DDX18: variants seen among roughly 807,000 people sequenced by gnomAD.
The protein encoded by DDX18 is ATP-dependent RNA helicase DDX18.
A neutral mutation model predicts 73.5 loss-of-function variants in DDX18; 23 were observed. The observed-to-expected ratio is 0.31, with a 90% CI of 0.23 to 0.44. The LOEUF (loss-of-function observed/expected upper bound fraction) is 0.44. Among genes scored for constraint, DDX18 ranks in the 20% least tolerant of loss-of-function variants. The pLI is 1.00. For synonymous variants in DDX18, 268 were observed against 282.7 expected, an observed-to-expected ratio of 0.95 and a Z score of 0.52; for missense variants, 753 against 792.9, an observed-to-expected ratio of 0.95 and a Z score of 0.60.
chr2:117,829,272 GTTTC>G lies in DDX18; in HGVS notation c.1693-11_1693-8del, dbSNP rs771944174. On this transcript the variant is annotated splice_polypyrimidine_tract_variant and intron_variant, in intron 12 of 13. Coordinates refer to ENST00000263239, the MANE Select transcript of DDX18 (RefSeq NM_006773.4). The stretch of plus-strand genomic sequence containing the variant: ...TTTGTTTTTGTTTATTAAAACCAGT[GTTTC>G]TTTCTATTTCAGCTTGAGAAATTGA... 3.8e-6 allele frequency: 6 copies of G among 1,573,654 alleles called. No individual in the cohort carries two copies. The South Asian group carries it at 4.8e-5, about 12-fold the overall frequency.
Position 117,829,269 on chromosome 2 carries a change from A to G in DDX18, c.1693-20A>G. On this transcript the variant is annotated intron_variant, in intron 12 of 13. Transcript: ENST00000263239. ...TTGTTTGTTTTTGTTTATTAAAACCAGTGTTTCTTTCTATTTCAGCTTGAG... is the reference window on the plus strand; with the variant it reads ...TTGTTTGTTTTTGTTTATTAAAACCGGTGTTTCTTTCTATTTCAGCTTGAG... The G allele has an allele frequency of 6.4e-7, 1 of 1,570,452 alleles. No individual in the cohort carries two copies. The highest frequency in any genetic ancestry group is 8.6e-7 in the Non-Finnish European group (1 of 1,162,598).
rs1337920515 is a variant in DDX18, at chr2:117,821,646, T to G, written c.651-4T>G. 6.2e-7 allele frequency: 1 copy of G among 1,613,704 alleles called. No individual in the cohort carries two copies. The highest frequency in any genetic ancestry group is 8.5e-7 in the Non-Finnish European group (1 of 1,179,818). The stretch of plus-strand genomic sequence containing the variant: ...TCTTTCTCCTTTCCCTTTTTAATAT[T>G]TAGGGATCTTCTAGCAGCTGCAAAA... On this transcript the variant is annotated splice_region_variant and splice_polypyrimidine_tract_variant and intron_variant, in intron 4 of 13. Coordinates refer to ENST00000263239, the MANE Select transcript of DDX18 (RefSeq NM_006773.4).
Position 117,823,040 on chromosome 2 carries a change from G to A in DDX18, c.1066+779G>A, listed in dbSNP as rs182886997. On this transcript the variant is annotated intron_variant, in intron 7 of 13. Coordinates refer to ENST00000263239, the MANE Select transcript of DDX18 (RefSeq NM_006773.4). ...AAAACTGCCAGATGTTTTCCAAAGC[G>A]GCTGTACCATTTAACATTCCTATGA... Among the ~76,000 whole-genome samples, 9 of 152,258 alleles carry A rather than the reference G, an allele frequency of 5.9e-5. No individual in the cohort carries two copies. The East Asian group carries it at 7.7e-4, about 13-fold the overall frequency.
In DDX18 at chr2:117,821,925, A is replaced by T. The variant is rs1333763309; in HGVS notation, c.815A>T (p.Lys272Met). 1 of 1,614,078 alleles carries T rather than the reference A, an allele frequency of 6.2e-7. No homozygotes were observed. Among genetic ancestry groups the T allele is most frequent in the East Asian group, 2.2e-5 (1 of 44,876 alleles). Residue 272 changes from lysine (K) to methionine (M), a missense_variant, in exon 6 of 14, where the codon AAG (lysine) becomes ATG (methionine). Coordinates refer to ENST00000263239, the MANE Select transcript of DDX18 (RefSeq NM_006773.4). ...GCCATGCAAACCTTTGGTGTTCTTA[A>T]GGAGCTGATGACTCACCACGTGCAT... The part of the protein sequence containing the change: ...ELAMQTFGVL[K>M]ELMTHHVHTY...
At position 117,821,742 on chromosome 2, in the gene DDX18, C is replaced by T. The variant is rs769862731; in HGVS notation, c.743C>T (p.Pro248Leu). The T allele has an allele frequency of 1.2e-6, 2 of 1,613,732 alleles. No individual in the cohort carries two copies. The highest frequency in any genetic ancestry group is 1.7e-6 in the Non-Finnish European group (2 of 1,179,920). The change falls in exon 5 of 14, where the codon CCC (proline) becomes CTC (leucine). Residue 248 changes from proline (P) to leucine (L), a missense_variant. By Grantham distance (98) the Pro-to-Leu change is moderately conservative (BLOSUM62 -3). Transcript: ENST00000263239. ...VELIVKLRFMPRNGTGVLILS... is the reference protein window; with the variant it reads ...VELIVKLRFMLRNGTGVLILS... ...CTCATTGTTAAGTTAAGGTTCATGC[C>T]CAGGAATGGTAAGCGTTCATCTGCT...
In DDX18 at chr2:117,817,433, T is replaced by G. The variant is rs543549684; in HGVS notation, c.86-11T>G. The G allele has an allele frequency of 6.3e-7, 1 of 1,588,100 alleles. No homozygotes were observed. Among genetic ancestry groups the G allele is most frequent in the Non-Finnish European group, 8.5e-7 (1 of 1,172,904 alleles). On this transcript the variant is annotated splice_polypyrimidine_tract_variant and intron_variant, in intron 1 of 13. Coordinates refer to ENST00000263239, the MANE Select transcript of DDX18 (RefSeq NM_006773.4). ...TCTTTGTCACAGTATATGTTCTGTT[T>G]ATTTAAACAGGGGCCTCAAATCTGA...
At chr2:117,818,957 C>T (rs761392842) in intron 2 of DDX18, among the ~76,000 whole-genome samples, 6 of 152,188 alleles carry the variant, frequency 3.9e-5, no homozygotes, top group African/African-American at 1.2e-4. Flanking sequence ...CCGTCAGGTA[C>T]AGGGAGGAGA....
chr2:117,819,525 A>G, intron 2 of DDX18, 124 bp from the exon 3 acceptor site: 1 of 917,030 alleles, frequency 1.1e-6, no homozygotes. Flanking sequence ...TAACAAATTA[A>G]TACAGCATAT....
intron 13 of DDX18, among the ~76,000 whole-genome samples, chr2:117,829,750 G>A (rs1679991234): frequency 6.6e-6 from 1 of 152,188 alleles, no homozygotes; most frequent in Non-Finnish European, 1.5e-5. Flanking sequence ...AGAGACAGTT[G>A]TGTGTTCCAG....
At chr2:117,818,677 T>C (rs375142776) in intron 2 of DDX18, among the ~76,000 whole-genome samples, 178 of 151,794 alleles carry the variant, frequency 1.2e-3, no homozygotes, top group African/African-American at 4.1e-3. Context: ...GGGTTTTTTG[T>C]TTGTTTGTTT....
chr2:117,822,372 G>A, intron 7 of DDX18, 111 bp downstream of exon 7: 1 of 766,512 alleles, frequency 1.3e-6, no homozygotes, highest in Non-Finnish European at 2.1e-6. Flanking sequence ...AGCCAAGTGA[G>A]GTAGTTGTGC....
chr2:117,832,148 T>C lies in DDX18; in HGVS notation c.*1424T>C, dbSNP rs1680037233. The C allele has an allele frequency of 6.6e-6, 1 of 151,758 alleles. No individual in the cohort carries two copies. Among genetic ancestry groups the C allele is most frequent in the Non-Finnish European group, 1.5e-5 (1 of 67,872 alleles). 9.4% of individuals were successfully genotyped at this position (151,758 alleles called of 1,614,324 possible). On this transcript the variant is annotated 3_prime_UTR_variant, in exon 14 of 14. Coordinates refer to ENST00000263239, the MANE Select transcript of DDX18 (RefSeq NM_006773.4). ...CTCTCCACGATCATGTTTTTCTGAT[T>C]TTTTTTTTCAGAAATAATGTTTTTT...
At position 117,825,430 on chromosome 2, in the gene DDX18, T is replaced by A. The variant is rs2104624711; in HGVS notation, c.1369-17T>A. On this transcript the variant is annotated splice_polypyrimidine_tract_variant and intron_variant, in intron 9 of 13. Coordinates refer to ENST00000263239, the MANE Select transcript of DDX18 (RefSeq NM_006773.4). ...CTCAAGATTCCAGCTCTAATGGATGTTTTTATTTAATTCTAGGGAAAGCAA... is the reference window on the plus strand; with the variant it reads ...CTCAAGATTCCAGCTCTAATGGATGATTTTATTTAATTCTAGGGAAAGCAA... 1 of 1,605,752 alleles carries A rather than the reference T, an allele frequency of 6.2e-7. No individual in the cohort carries two copies. Among genetic ancestry groups the A allele is most frequent in the Non-Finnish European group, 8.5e-7 (1 of 1,173,710 alleles).
intron 2 of DDX18, 150 bp downstream of exon 2, chr2:117,817,878 T>C: frequency 1.3e-6 from 1 of 742,872 alleles, no homozygotes; most frequent in Non-Finnish European, 2.0e-6. Flanking sequence ...ATGGAAACAT[T>C]TTATTGGCAG....
At chr2:117,821,417 AT>A in intron 4 of DDX18, 121 bp downstream of exon 4, 1 of 1,302,058 alleles carries the variant, frequency 7.7e-7, no homozygotes, top group Non-Finnish European at 1.1e-6. Flanking sequence ...TCCAGCATAC[AT>A]TAAAGGCTTT....
Position 117,819,738 on chromosome 2 carries a change from C to A in DDX18, c.460C>A (p.Pro154Thr), listed in dbSNP as rs369891514. Residue 154 changes from proline to threonine, a missense_variant, in exon 3 of 14, where the codon CCA (proline) becomes ACA (threonine). This residue lies in a region of DDX18 where 345 missense variants were observed against 352.0 expected (regional missense o/e 0.98). Transcript: ENST00000263239. Reference protein sequence around the residue: ...TKETENNVEKPDNDEDESEVP... With the variant: ...TKETENNVEKTDNDEDESEVP... ...AGAAACAGAAAATAATGTGGAGAAG[C>A]CAGATAATGATGAAGATGAGAGTGA... 8 of 1,609,200 alleles carry A rather than the reference C, an allele frequency of 5.0e-6. No homozygotes were observed. The highest frequency in any genetic ancestry group is 6.8e-6 in the Non-Finnish European group (8 of 1,178,308).
intron 8 of DDX18, 41 bp from the exon 9 acceptor site, chr2:117,824,899 C>T: frequency 1.9e-6 from 3 of 1,559,622 alleles, no homozygotes; most frequent in African/African-American, 1.4e-5. Flanking sequence ...GGAAAATGTC[C>T]ACTTGGTTCA....
chr2:117,821,982 G>C lies in DDX18; in HGVS notation c.872G>C (p.Arg291Thr). Residue 291 changes from arginine (R) to threonine (T), a missense_variant, in exon 6 of 14, where the codon AGA becomes ACA. Coordinates refer to ENST00000263239, the MANE Select transcript of DDX18 (RefSeq NM_006773.4). ...GGCTTGATAATGGGTGGCAGTAACA[G>C]ATCTGCTGAAGCACAGAAACTTGGT... is the stretch of plus-strand genomic sequence containing the variant. ...TYGLIMGGSN[R>T]SAEAQKLGNG... is the part of the protein sequence containing the mutation. The C allele has an allele frequency of 1.2e-6, 2 of 1,614,072 alleles. No individual in the cohort carries two copies. Among genetic ancestry groups the C allele is most frequent in the Admixed American group, 3.3e-5 (2 of 60,004 alleles).
intron 11 of DDX18, chr2:117,826,597 C>T: frequency 3.5e-6 from 2 of 566,468 alleles, no homozygotes; most frequent in East Asian, 6.0e-5. Flanking sequence ...TGTTACCCAG[C>T]AACACCTCTG....
Sources: gnomAD v4.1 joint callset for allele counts (sites outside exome capture counted in the v4.1 genomes callset) on GRCh38, gnomAD v4.1.1 for gene constraint, gnomAD v4.1.1 regional missense constraint, MANE v1.5 for transcripts, NCBI Gene and HGNC (gene_info 2026-07-23, HGNC 2026-07-21) for gene names.